MTHFS: variants seen among roughly 807,000 people sequenced by gnomAD.
MTHFS encodes the protein methenyltetrahydrofolate synthetase, also known as 5-formyltetrahydrofolate cyclo-ligase.
MTHFS carries 7 observed loss-of-function variants against 12.7 expected under a neutral mutation model. The observed-to-expected ratio is 0.55, with a 90% CI of 0.31 to 1.03. MTHFS has a LOEUF of 1.03. Among genes scored for constraint, MTHFS ranks in the 50% least tolerant of loss-of-function variants. MTHFS has a pLI of 0.05. For missense variants in MTHFS, 252 were observed against 258.1 expected (o/e 0.98, Z 0.16); for synonymous variants, 100 against 97.1 (o/e 1.03, Z -0.18).
chr15:79,859,817 C>CAAAA (rs368106807), intron 2 of MTHFS, among the ~76,000 whole-genome samples: 2 of 58,874 alleles, frequency 3.4e-5, no homozygotes, highest in Non-Finnish European at 7.9e-5. Flanking sequence ...GAATACATGT[C>CAAAA]AAAAAAAAAA....
rs1353012986 is a variant in MTHFS at position 79,889,266 on chromosome 15, T to C, written c.206A>G (p.Lys69Arg). 1 of 1,614,076 alleles carries C rather than the reference T, an allele frequency of 6.2e-7. No individual in the cohort carries two copies. Among genetic ancestry groups the C allele is most frequent in the African/African-American group, 1.3e-5 (1 of 74,930 alleles). ...GATTTTGCCTCGTTGGAAAATGTCC[T>C]TGATGATCTCTTCTGTCTCAATTTC... is the stretch of plus-strand genomic sequence containing the variant. ...QDEIETEEII[K>R]DIFQRGKICF... is the part of the protein sequence containing the mutation. The change falls in exon 2 of 3, where the codon AAG becomes AGG. Residue 69 changes from lysine to arginine, a missense_variant. Lys to Arg is a conservative substitution (Grantham distance 26). Transcript: ENST00000258874.
At chr15:79,888,594 T>C (rs775335065) in intron 2 of MTHFS, among the ~76,000 whole-genome samples, 2 of 152,054 alleles carry the variant, frequency 1.3e-5, no homozygotes, top group Non-Finnish European at 2.9e-5. Flanking sequence ...ATTCAGTAAA[T>C]ATTCAGTAGG....
chr15:79,867,971 G>A (rs1275519551), intron 2 of MTHFS, among the ~76,000 whole-genome samples: 1 of 152,192 alleles, frequency 6.6e-6, no homozygotes, highest in Non-Finnish European at 1.5e-5. Context: ...GATCACACAC[G>A]TGAGAGTGAG....
At chr15:79,855,305 T>C (rs2033780328) in intron 2 of MTHFS, among the ~76,000 whole-genome samples, 1 of 152,150 alleles carries the variant, frequency 6.6e-6, no homozygotes, top group African/African-American at 2.4e-5. Context: ...CTGCAGAAAA[T>C]AGGATCCACA....
chr15:79,864,547 CAAAAAAAAA>C (rs58698908), intron 2 of MTHFS, among the ~76,000 whole-genome samples: 4 of 64,536 alleles, frequency 6.2e-5, no homozygotes, highest in Non-Finnish European at 8.0e-5. Flanking sequence ...TCCATCTCAA[CAAAAAAAAA>C]AAAAAAAAAA....
At chr15:79,896,738 A>AACGT in intron 1 of MTHFS, 134 bp downstream of exon 1, 1 of 888,204 alleles carries the variant, frequency 1.1e-6, no homozygotes, top group Non-Finnish European at 1.4e-6. Flanking sequence ...CGGGAGGGGA[A>AACGT]ACGTGCGCGC....
At chr15:79,880,130 C>G (rs1046646286) in intron 2 of MTHFS, among the ~76,000 whole-genome samples, 2 of 151,554 alleles carry the variant, frequency 1.3e-5, no homozygotes, top group Non-Finnish European at 3.0e-5. Context: ...AGTGCAGTGG[C>G]ATGATCTCAG....
intron 2 of MTHFS, among the ~76,000 whole-genome samples, chr15:79,852,842 G>A (rs1197599493): frequency 6.6e-6 from 1 of 152,108 alleles, no homozygotes; most frequent in Non-Finnish European, 1.5e-5. Flanking sequence ...GTGTATTATG[G>A]GTTCAAGGCT....
In MTHFS at chr15:79,889,476, G is replaced by T. The variant is rs567373973; in HGVS notation, c.118-122C>A. 6.0e-5 allele frequency: 82 copies of T among 1,376,622 alleles called. 1 individual carries two copies. The highest frequency in any genetic ancestry group is 8.9e-5 in the African/African-American group (6 of 67,270). The allele number at this position is 1,376,622 out of a possible 1,614,324, so 85.3% of individuals were successfully genotyped here. A position where few individuals can be genotyped will look rare whatever the true frequency, so the allele number is the denominator to read the frequency against. On this transcript the variant is annotated intron_variant, in intron 1 of 2. Coordinates refer to ENST00000258874, the MANE Select transcript of MTHFS (RefSeq NM_006441.4). ...TTAAATATTAAAAAGAAAAAAAAAGGGGGGGGGACCAGAGTGATATAGTGG... is the reference window on the plus strand; with the variant it reads ...TTAAATATTAAAAAGAAAAAAAAAGTGGGGGGGACCAGAGTGATATAGTGG...
intron 2 of MTHFS, among the ~76,000 whole-genome samples, chr15:79,852,984 G>T (rs568518441): frequency 6.6e-6 from 1 of 152,288 alleles, no homozygotes; most frequent in South Asian, 2.1e-4. Flanking sequence ...GGCTGCTGAA[G>T]ATCTCACAGC....
intron 1 of MTHFS, among the ~76,000 whole-genome samples, chr15:79,896,223 G>GA (rs1221816350): frequency 3.3e-5 from 5 of 152,154 alleles, no homozygotes; most frequent in Admixed American, 2.0e-4. Flanking sequence ...GTTCACTCAA[G>GA]AAAAAGCATT....
At chr15:79,895,009 C>A (rs1203568428) in intron 1 of MTHFS, among the ~76,000 whole-genome samples, 1 of 152,164 alleles carries the variant, frequency 6.6e-6, no homozygotes, top group Admixed American at 6.5e-5. Context: ...TCCTAAAGGA[C>A]ATAACAAACA....
intron 2 of MTHFS, among the ~76,000 whole-genome samples, chr15:79,874,161 T>G (rs2034151131): frequency 6.6e-6 from 1 of 152,156 alleles, no homozygotes; most frequent in South Asian, 2.1e-4. Context: ...AGTAGAAAAC[T>G]AAAAATCTGC....
chr15:79,872,052 CTGAGA>C (rs899894826), intron 2 of MTHFS, among the ~76,000 whole-genome samples: 16 of 133,234 alleles, frequency 1.2e-4, no homozygotes, highest in African/African-American at 2.9e-4. Flanking sequence ...TTGCACTGAG[CTGAGA>C]TAACACCACT....
intron 2 of MTHFS, among the ~76,000 whole-genome samples, chr15:79,858,989 C>T (rs939126795): frequency 1.1e-4 from 17 of 152,110 alleles, no homozygotes; most frequent in Admixed American, 1.0e-3. Context: ...TAAACTGATC[C>T]GGAATACACT....
At chr15:79,887,652 T>C (rs1366482969) in intron 2 of MTHFS, among the ~76,000 whole-genome samples, 1 of 152,238 alleles carries the variant, frequency 6.6e-6, no homozygotes, top group East Asian at 1.9e-4. Context: ...TCAGTAGCTA[T>C]AATTTCCTGT....
intron 2 of MTHFS, among the ~76,000 whole-genome samples, chr15:79,856,516 A>G (rs1311666619): frequency 1.3e-5 from 2 of 152,214 alleles, no homozygotes; most frequent in African/African-American, 4.8e-5. Flanking sequence ...CACACACAAA[A>G]AAACAAACAT....
At chr15:79,882,903 C>T (rs2034320284) in intron 2 of MTHFS, among the ~76,000 whole-genome samples, 1 of 152,212 alleles carries the variant, frequency 6.6e-6, no homozygotes, top group Admixed American at 6.5e-5. Context: ...TAACTCTTTA[C>T]TCACAAATAT....
intron 1 of MTHFS, among the ~76,000 whole-genome samples, chr15:79,890,270 TGCAGTGG>T: frequency 7.1e-6 from 1 of 140,190 alleles, no homozygotes; most frequent in East Asian, 2.5e-4. Context: ...CAGGCTGGAG[TGCAGTGG>T]TGCAATCTGC....
Sources: gnomAD v4.1 joint callset for allele counts (sites outside exome capture counted in the v4.1 genomes callset) on GRCh38, gnomAD v4.1.1 for gene constraint, MANE v1.5 for transcripts, NCBI Gene and HGNC (gene_info 2026-07-23, HGNC 2026-07-21) for gene names.